SLCO5A1: variants seen among roughly 807,000 people sequenced by gnomAD.
The protein encoded by SLCO5A1 is solute carrier organic anion transporter family member 5A1, also known as organic anion transporter polypeptide-related protein 4.
In SLCO5A1, 39 loss-of-function variants were observed where a neutral mutation model predicts 65.1. The observed-to-expected ratio is 0.60, with a 90% CI of 0.46 to 0.78. The LOEUF (loss-of-function observed/expected upper bound fraction) is 0.78. SLCO5A1 is among the 30% of genes least tolerant of loss of function. The probability of loss-of-function intolerance (pLI) is 0.00; values close to 1 mark genes in which losing one functional copy is unlikely to be tolerated. For synonymous variants in SLCO5A1, 438 were observed against 415.7 expected (o/e 1.05, Z -0.65); for missense variants, 1,029 against 1,069.4 (o/e 0.96, Z 0.53).
intron 6 of SLCO5A1, among the ~76,000 whole-genome samples, chr8:69,695,223 C>T (rs965412957): frequency 9.2e-5 from 14 of 152,246 alleles, no homozygotes; most frequent in Admixed American, 2.0e-4. Flanking sequence ...TGCCAGGCAT[C>T]GTGGCTCACA....
chr8:69,681,629 C>A (rs1813775855), intron 7 of SLCO5A1, among the ~76,000 whole-genome samples: 1 of 152,106 alleles, frequency 6.6e-6, no homozygotes, highest in African/African-American at 2.4e-5. Flanking sequence ...AAACCTTCTC[C>A]CACAGTATTA....
At chr8:69,784,993 C>CGAAA (rs200949522) in intron 2 of SLCO5A1, among the ~76,000 whole-genome samples, 814 of 80,488 alleles carry the variant, frequency 0.01, 17 homozygotes, top group African/African-American at 0.038. Flanking sequence ...GAAAGAAAAG[C>CGAAA]GAAAGAAAGA....
At position 69,676,609 on chromosome 8, in the gene SLCO5A1, C is replaced by G; in HGVS notation, c.2089G>C (p.Ala697Pro). Reference sequence around the variant, plus strand: ...TACACTTGGAAATTCAGGGACGTACCAAGTGTTCGCAACAAAACAAACTGC... The same window carrying G: ...TACACTTGGAAATTCAGGGACGTACGAAGTGTTCGCAACAAAACAAACTGC... ...GMQFVLLRTL[A>P]YIPTPIYFGA... The change falls in exon 9 of 10, where the codon GCA becomes CCA. Residue 697 changes from alanine to proline, a missense_variant and splice_region_variant. This residue lies in a region of SLCO5A1 where 258 missense variants were observed against 237.4 expected (regional missense o/e 1.09). Transcript: ENST00000260126. The G allele has an allele frequency of 1.2e-6, 2 of 1,611,810 alleles. No individual in the cohort carries two copies. Among genetic ancestry groups the G allele is most frequent in the East Asian group, 2.2e-5 (1 of 44,728 alleles).
intron 2 of SLCO5A1, among the ~76,000 whole-genome samples, chr8:69,781,836 T>C (rs939725291): frequency 6.6e-6 from 1 of 152,068 alleles, no homozygotes; most frequent in African/African-American, 2.4e-5. Flanking sequence ...TTTGTATTTT[T>C]AGTAGAGACG....
chr8:69,676,864 T>C (rs1813568240), intron 8 of SLCO5A1, among the ~76,000 whole-genome samples, 191 bp from the exon 9 acceptor site: 3 of 152,192 alleles, frequency 2.0e-5, no homozygotes, highest in Non-Finnish European at 4.4e-5. Flanking sequence ...GTTTTCCCAA[T>C]GTAGACATCA....
chr8:69,797,421 A>G (rs1048047986), intron 2 of SLCO5A1, among the ~76,000 whole-genome samples: 1 of 152,268 alleles, frequency 6.6e-6, no homozygotes, highest in Non-Finnish European at 1.5e-5. Context: ...CCTTGAAAAA[A>G]GAAAAGGATA....
Position 69,796,010 on chromosome 8 carries a change from C to T in SLCO5A1, c.908-34135G>A, listed in dbSNP as rs925608404. On this transcript the variant is annotated intron_variant, in intron 2 of 9. Coordinates refer to ENST00000260126, the MANE Select transcript of SLCO5A1 (RefSeq NM_030958.3). ...GAGGCATGGCTGAAGTTGGAGCAGC[C>T]GGGATGTGGAAAGCAGTGTCCCAAG... Among the ~76,000 whole-genome samples, 16 of 152,110 alleles carry T rather than the reference C, an allele frequency of 1.1e-4. No homozygotes were observed. The East Asian group carries it at 1.9e-3, about 18-fold the overall frequency.
chr8:69,761,868 C>T lies in SLCO5A1; in HGVS notation c.915G>A (p.Met305Ile), dbSNP rs1313921930. 2.5e-6 allele frequency: 4 copies of T among 1,612,294 alleles called. No homozygotes were observed. ...CAGGGCCAAGTGCTCCCATGACATA[C>T]ATGATGGCTGAGAAGACAGAAGGGG... ...KENSSLYLAIMYVMGALGPAV... is the reference protein window; with the variant it reads ...KENSSLYLAIIYVMGALGPAV... Residue 305 changes from methionine to isoleucine, a missense_variant, in exon 3 of 10, where the codon ATG becomes ATA. Transcript: ENST00000260126.
intron 2 of SLCO5A1, 59 bp downstream of exon 2, chr8:69,831,708 G>T (rs1485307233): frequency 6.7e-7 from 1 of 1,494,472 alleles, no homozygotes; most frequent in Non-Finnish European, 9.1e-7. Flanking sequence ...TTTGATTTTT[G>T]TAAGGAAAGT....
intron 2 of SLCO5A1, among the ~76,000 whole-genome samples, chr8:69,799,494 G>A (rs1455008081): frequency 6.6e-6 from 1 of 151,984 alleles, no homozygotes; most frequent in Non-Finnish European, 1.5e-5. Context: ...TATTGATCTA[G>A]GAAGTTTTTA....
chr8:69,817,163 C>A (rs1361425573), intron 2 of SLCO5A1, among the ~76,000 whole-genome samples: 1 of 152,162 alleles, frequency 6.6e-6, no homozygotes, highest in Non-Finnish European at 1.5e-5. Flanking sequence ...TCCCAATTTT[C>A]CCCTTCCCTT....
At chr8:69,812,852 C>T (rs1402726990) in intron 2 of SLCO5A1, among the ~76,000 whole-genome samples, 1 of 152,160 alleles carries the variant, frequency 6.6e-6, no homozygotes, top group African/African-American at 2.4e-5. Context: ...TTATGTATAT[C>T]TTTAAGGAAG....
intron 2 of SLCO5A1, among the ~76,000 whole-genome samples, chr8:69,830,814 G>C (rs193184171): frequency 2.0e-4 from 30 of 152,284 alleles, no homozygotes; most frequent in Admixed American, 7.9e-4. Context: ...CACAGCCACG[G>C]CTTTTCAGAA....
chr8:69,732,158 C>T (rs1816364739), intron 5 of SLCO5A1, among the ~76,000 whole-genome samples: 1 of 152,128 alleles, frequency 6.6e-6, no homozygotes. Flanking sequence ...TCACTTCAAC[C>T]AAATCCCAAT....
chr8:69,828,574 C>T (rs1821027387), intron 2 of SLCO5A1, among the ~76,000 whole-genome samples: 1 of 151,688 alleles, frequency 6.6e-6, no homozygotes, highest in Non-Finnish European at 1.5e-5. Flanking sequence ...TGCACTCCAG[C>T]CTGGGCGACA....
At chr8:69,786,111 T>C (rs1003249639) in intron 2 of SLCO5A1, among the ~76,000 whole-genome samples, 1 of 152,158 alleles carries the variant, frequency 6.6e-6, no homozygotes, top group African/African-American at 2.4e-5. Context: ...TATTTAATAG[T>C]TCAAAATGGA....
intron 2 of SLCO5A1, among the ~76,000 whole-genome samples, chr8:69,784,966 A>G (rs1586797848): frequency 1.3e-5 from 2 of 150,166 alleles, no homozygotes; most frequent in Non-Finnish European, 3.0e-5. Context: ...AGGAAGGAAG[A>G]AAGAAAGAGA....
intron 5 of SLCO5A1, among the ~76,000 whole-genome samples, chr8:69,710,794 CCAAA>C (rs1815206553): frequency 6.6e-6 from 1 of 152,120 alleles, no homozygotes; most frequent in African/African-American, 2.4e-5. Context: ...TGAGGGCACA[CCAAA>C]CAGAGTGAAG....
intron 2 of SLCO5A1, among the ~76,000 whole-genome samples, 171 bp downstream of exon 2, chr8:69,831,596 A>C (rs913433573): frequency 3.3e-5 from 5 of 152,236 alleles, no homozygotes; most frequent in African/African-American, 1.2e-4. Flanking sequence ...CAACTAATTG[A>C]TTCTCTCCCA....
Sources: gnomAD v4.1 joint callset for allele counts (sites outside exome capture counted in the v4.1 genomes callset) on GRCh38, gnomAD v4.1.1 for gene constraint, gnomAD v4.1.1 regional missense constraint, MANE v1.5 for transcripts, NCBI Gene and HGNC (gene_info 2026-07-23, HGNC 2026-07-21) for gene names.